MYH11: variants seen among roughly 807,000 people sequenced by gnomAD.
MYH11 encodes the protein myosin-11.
In MYH11, 80 loss-of-function variants were observed where a neutral mutation model predicts 246.6. That is an observed-to-expected ratio of 0.32 (90% CI 0.27 to 0.39). The LOEUF (loss-of-function observed/expected upper bound fraction) is 0.39. Among genes scored for constraint, MYH11 ranks in the 10% least tolerant of loss-of-function variants. The pLI, the probability that MYH11 is intolerant of heterozygous loss-of-function variation, is 1.00. For synonymous variants in MYH11, 1,071 were observed against 1,015.5 expected, an observed-to-expected ratio of 1.05 and a Z score of -1.04; for missense variants, 2,158 against 2,546.8, an observed-to-expected ratio of 0.85 and a Z score of 3.29.
In MYH11 at chr16:15,748,215, G is replaced by A. The variant is rs202121766; in HGVS notation, c.2059-47C>T. 2.4e-3 allele frequency: 3,866 copies of A among 1,610,394 alleles called. 7 individuals carry two copies. Among genetic ancestry groups the A allele is most frequent in the Non-Finnish European group, 3.0e-3 (3,512 of 1,179,698 alleles). ...GTGGATCCCTGGGGCCAGAAACCATGGCGCAGCAAAGCCCCAAACCTCCTA... is the reference window on the plus strand; with the variant it reads ...GTGGATCCCTGGGGCCAGAAACCATAGCGCAGCAAAGCCCCAAACCTCCTA... On this transcript the variant is annotated intron_variant, in intron 16 of 40. Coordinates refer to ENST00000300036, the MANE Select transcript of MYH11 (RefSeq NM_002474.3).
intron 2 of MYH11, among the ~76,000 whole-genome samples, chr16:15,831,266 G>C (rs2043728488): frequency 6.6e-6 from 1 of 152,280 alleles, no homozygotes; most frequent in Non-Finnish European, 1.5e-5. Flanking sequence ...GGAAGGGCGA[G>C]AAATAGGAAC....
At position 15,844,237 on chromosome 16, in the gene MYH11, C is replaced by T. The variant is rs537475723; in HGVS notation, c.-17-5968G>A. 2.8e-3 allele frequency among the ~76,000 whole-genome samples: 421 copies of T among 152,238 alleles called. 1 individual carries two copies. Among genetic ancestry groups the T allele is most frequent in the Non-Finnish European group, 4.1e-3 (280 of 68,012 alleles). On this transcript the variant is annotated intron_variant, in intron 1 of 40. Transcript: ENST00000300036. ...CCAAAGGTGAGAGACTATGCTCTGT[C>T]GCCCAGCTAGAGTGCAATGGCGGGA...
chr16:15,726,796 G>C, intron 28 of MYH11, 52 bp downstream of exon 28: 1 of 1,603,024 alleles, frequency 6.2e-7, no homozygotes. Flanking sequence ...CCTCCCCACA[G>C]AACTGGGCAC....
chr16:15,788,796 ATATGTGTGTG>A (rs374887510), intron 4 of MYH11, among the ~76,000 whole-genome samples: 483 of 94,944 alleles, frequency 5.1e-3, no homozygotes, highest in African/African-American at 0.014. Context: ...AGACCAGAAT[ATATGTGTGTG>A]TGTGTGTGTG....
Position 15,756,507 on chromosome 16 carries a change from G to A in MYH11, c.1583C>T (p.Pro528Leu), listed in dbSNP as rs774850250. 1 of 1,614,130 alleles carries A rather than the reference G, an allele frequency of 6.2e-7. No individual in the cohort carries two copies. The highest frequency in any genetic ancestry group is 8.5e-7 in the Non-Finnish European group (1 of 1,180,032). Residue 528 changes from proline to leucine, a missense_variant, in exon 14 of 41, where the codon CCT becomes CTT. Around this residue, in one of 11 missense-constraint regions of MYH11, gnomAD observed 317 missense variants for 507.7 expected, o/e 0.62. Coordinates refer to ENST00000300036, the MANE Select transcript of MYH11 (RefSeq NM_002474.3). ...GTCCAGCAGGGCCAGCACACCTGGA[G>A]GGTTGTTCTGTGGGAGACAAGTAGG... ...CIELIERPNN[P>L]PGVLALLDEE...
At chr16:15,817,466 G>A (rs532674018) in intron 3 of MYH11, among the ~76,000 whole-genome samples, 1 of 152,152 alleles carries the variant, frequency 6.6e-6, no homozygotes, top group South Asian at 2.1e-4. Flanking sequence ...AGCTGAGATC[G>A]TGCTGCTGCA....
intron 20 of MYH11, 44 bp downstream of exon 20, chr16:15,745,085 A>T: frequency 6.7e-7 from 1 of 1,489,048 alleles, no homozygotes; most frequent in Non-Finnish European, 9.4e-7. Flanking sequence ...GTGAAGAAGC[A>T]GGGCTGGGGG....
intron 3 of MYH11, among the ~76,000 whole-genome samples, chr16:15,810,021 C>T (rs1214857623): frequency 3.3e-5 from 5 of 149,946 alleles, no homozygotes; most frequent in East Asian, 1.9e-4. Flanking sequence ...TTAATATTTA[C>T]GGTTTTTGTT....
At chr16:15,832,085 C>T (rs1327264205) in intron 2 of MYH11, among the ~76,000 whole-genome samples, 1 of 152,068 alleles carries the variant, frequency 6.6e-6, no homozygotes, top group Non-Finnish European at 1.5e-5. Context: ...CTTGTGTCCC[C>T]GGGTGGACAC....
intron 20 of MYH11, among the ~76,000 whole-genome samples, chr16:15,743,020 AGACCTATTCAGTAGCC>A (rs1245711482): frequency 6.8e-6 from 1 of 146,388 alleles, no homozygotes; most frequent in East Asian, 2.0e-4. Flanking sequence ...TTTTTTTAGC[AGACCTATTCAGTAGCC>A]AAAGCCATCA....
chr16:15,812,815 G>C (rs1218956655), intron 3 of MYH11, among the ~76,000 whole-genome samples: 1 of 152,070 alleles, frequency 6.6e-6, no homozygotes, highest in South Asian at 2.1e-4. Context: ...CAAGCCTGCA[G>C]TGAGCCGTGT....
chr16:15,812,424 T>C (rs950906135), intron 3 of MYH11, among the ~76,000 whole-genome samples: 3 of 151,162 alleles, frequency 2.0e-5, no homozygotes, highest in Non-Finnish European at 2.9e-5. Context: ...ATGGGAAAAA[T>C]AGCAACTTTA....
intron 9 of MYH11, among the ~76,000 whole-genome samples, 184 bp from the exon 10 acceptor site, chr16:15,764,075 C>T (rs896884258): frequency 6.6e-6 from 1 of 152,156 alleles, no homozygotes; most frequent in Non-Finnish European, 1.5e-5. Flanking sequence ...GAATGCCACG[C>T]AGCAGGGACT....
intron 8 of MYH11, among the ~76,000 whole-genome samples, chr16:15,775,634 T>C (rs2042205300): frequency 6.6e-6 from 1 of 152,254 alleles, no homozygotes; most frequent in Non-Finnish European, 1.5e-5. Flanking sequence ...ACAAAGTCAC[T>C]GGCAAAACAT....
At chr16:15,826,375 C>T (rs556479285) in intron 2 of MYH11, among the ~76,000 whole-genome samples, 2 of 152,118 alleles carry the variant, frequency 1.3e-5, no homozygotes, top group South Asian at 2.1e-4. Context: ...ATTGCTTGAG[C>T]CCAGAAGTCT....
At chr16:15,721,961 G>A (rs1485969593) in intron 31 of MYH11, among the ~76,000 whole-genome samples, 6 of 152,054 alleles carry the variant, frequency 3.9e-5, no homozygotes, top group Admixed American at 2.6e-4. Context: ...GGGTTCAAGC[G>A]ATTCTCCTGC....
In MYH11 at chr16:15,767,786, G is replaced by C. The variant is rs191872316; in HGVS notation, c.1033+3783C>G. On this transcript the variant is annotated intron_variant, in intron 9 of 40. Transcript: ENST00000300036. ...CCACAGAGTAGAATGCCACATGAAG[G>C]ATGAGGCAGAGACTGGAGTGAGACA... 3.2e-4 allele frequency among the ~76,000 whole-genome samples: 48 copies of C among 152,100 alleles called. No individual in the cohort carries two copies. In the East Asian group the frequency reaches 7.5e-3, roughly 24 times the overall value.
At chr16:15,751,117 G>T (rs563850425) in intron 15 of MYH11, among the ~76,000 whole-genome samples, 1 of 126,574 alleles carries the variant, frequency 7.9e-6, no homozygotes, top group South Asian at 2.7e-4. Context: ...ACAAAAAGTA[G>T]GTATTATTAT....
At chr16:15,731,324 A>G (rs1356204921) in intron 27 of MYH11, among the ~76,000 whole-genome samples, 1 of 152,136 alleles carries the variant, frequency 6.6e-6, no homozygotes, top group African/African-American at 2.4e-5. Flanking sequence ...GGTGCAAATC[A>G]TGGCTCTGTC....
Sources: allele counts gnomAD v4.1 joint callset (sites outside exome capture counted in the v4.1 genomes callset), GRCh38; gene constraint gnomAD v4.1.1; regional missense constraint gnomAD v4.1.1; transcripts MANE v1.5; gene names NCBI Gene and HGNC (gene_info 2026-07-23, HGNC 2026-07-21).